The following RNF213 variants were observed in gnomAD, a reference collection of about 807,000 sequenced individuals.
RNF213 encodes the protein ring finger protein 213, also known as E3 ubiquitin-protein ligase RNF213.
RNF213 carries 341 observed loss-of-function variants against 514.4 expected under a neutral mutation model. The observed-to-expected ratio is 0.66, with a 90% CI of 0.61 to 0.73. RNF213 has a LOEUF of 0.73. Ranked by LOEUF, RNF213 falls within the 30% of genes least tolerant of loss-of-function variation. The pLI is 0.00. For missense variants in RNF213, 5,767 were observed against 6,615.6 expected (o/e 0.87, Z 4.45); for synonymous variants, 2,655 against 2,658.2 (o/e 1.00, Z 0.04).
chr17:80,363,809 C>A lies in RNF213; in HGVS notation c.11750+19C>A. 1 of 1,610,734 alleles carries A rather than the reference C, an allele frequency of 6.2e-7. No individual in the cohort carries two copies. The highest frequency in any genetic ancestry group is 8.5e-7 in the Non-Finnish European group (1 of 1,179,072). ...AAGTCAGGTGAGACCCAGGAGCCCT[C>A]ACCCACTGCTTCATCTGGCGCGCGC... is the stretch of plus-strand genomic sequence containing the variant. On this transcript the variant is annotated intron_variant, in intron 41 of 67. Coordinates refer to ENST00000582970, the MANE Select transcript of RNF213 (RefSeq NM_001256071.3).
In RNF213 at chr17:80,388,977, G is replaced by A. The variant is rs534829297; in HGVS notation, c.15001-196G>A. 5.2e-4 allele frequency: 331 copies of A among 633,158 alleles called. 1 individual carries two copies. Among genetic ancestry groups the A allele is most frequent in the African/African-American group, 5.0e-3 (276 of 55,110 alleles). 39.2% of individuals were successfully genotyped at this position (633,158 alleles called of 1,614,324 possible). A position where few individuals can be genotyped will look rare whatever the true frequency, so the allele number is the denominator to read the frequency against. ...CGATTTGTTCCTGCTCTCCGCATGC[G>A]GGTACTGATAGGTAGACCTGTGTGT... On this transcript the variant is annotated intron_variant, in intron 64 of 67. Coordinates refer to ENST00000582970, the MANE Select transcript of RNF213 (RefSeq NM_001256071.3).
Position 80,390,052 on chromosome 17 carries a change from T to C in RNF213, c.15326T>C (p.Leu5109Pro), listed in dbSNP as rs2080400288. The C allele has an allele frequency of 1.9e-6, 3 of 1,614,130 alleles. No homozygotes were observed. Among genetic ancestry groups the C allele is most frequent in the South Asian group, 1.1e-5 (1 of 91,092 alleles). The change falls in exon 67 of 68, where the codon CTG becomes CCG. Residue 5109 changes from leucine (L) to proline (P), a missense_variant. This residue lies in a region of RNF213 where 1,245 missense variants were observed against 1,339.0 expected (regional missense o/e 0.93). Coordinates refer to ENST00000582970, the MANE Select transcript of RNF213 (RefSeq NM_001256071.3). ...ATCAGTTCAAGGTACAAAGCGGATC[T>C]GAGCCCGGAAAATGCTAAGCTCCTC... ...GEISSRYKAD[L>P]SPENAKLLST...
At position 80,346,855 on chromosome 17, in the gene RNF213, G is replaced by A. The variant is rs1200927279; in HGVS notation, c.8520G>A (p.Val2840=). The A allele has an allele frequency of 1.9e-6, 3 of 1,614,036 alleles. No homozygotes were observed. The highest frequency in any genetic ancestry group is 2.7e-5 in the African/African-American group (2 of 74,912). Reference sequence around the variant, plus strand: ...AGGACCTGCAGCAGTACGTCTCTGTGGTGGTGTTAGATGAGGTGGGGCTGG... The same window carrying A: ...AGGACCTGCAGCAGTACGTCTCTGTAGTGGTGTTAGATGAGGTGGGGCTGG... ...QGKDLQQYVS[V]VVLDEVGLAE... Residue 2840 remains valine (V), a synonymous_variant, in exon 29 of 68, where the codon GTG becomes GTA. Transcript: ENST00000582970. This position sits in a 1 kb window ranked among gnomAD's most constrained non-coding sequence, Gnocchi z 8.1.
intron 17 of RNF213, among the ~76,000 whole-genome samples, chr17:80,323,507 T>G (rs1195292664): frequency 1.3e-5 from 2 of 152,032 alleles, no homozygotes; most frequent in Non-Finnish European, 2.9e-5. Flanking sequence ...CAAGGTTAAG[T>G]TGGATTTCTT....
chr17:80,291,583 G>C (rs763412422), intron 7 of RNF213, 45 bp from the exon 8 acceptor site: 3 of 1,585,864 alleles, frequency 1.9e-6, no homozygotes. Flanking sequence ...TAAAATTTCC[G>C]GGGTAGGAAT....
At chr17:80,278,237 G>A (rs2044139297) in intron 3 of RNF213, among the ~76,000 whole-genome samples, 1 of 150,156 alleles carries the variant, frequency 6.7e-6, no homozygotes, top group South Asian at 2.1e-4. Context: ...GTCTCCCGGC[G>A]ATGCCCGGTG....
intron 17 of RNF213, chr17:80,320,878 TTGGGAGGCTGAGG>T (rs2046118272): frequency 6.6e-6 from 1 of 152,286 alleles, no homozygotes. Flanking sequence ...TCCCAGCTAC[TTGGGAGGCTGAGG>T]TGGGAGGCTC....
intron 3 of RNF213, among the ~76,000 whole-genome samples, chr17:80,276,225 C>G (rs892991687): frequency 6.6e-6 from 1 of 151,886 alleles, no homozygotes; most frequent in African/African-American, 2.4e-5. Flanking sequence ...CTCAGCCTCC[C>G]AGCTAGCTGG....
intron 50 of RNF213, chr17:80,374,889 C>A (rs534439111): frequency 4.9e-6 from 2 of 408,112 alleles, no homozygotes; most frequent in Non-Finnish European, 9.3e-6. Flanking sequence ...TCCTTTGAGA[C>A]CCTGCTGGAA....
Position 80,279,456 on chromosome 17 carries a change from T to TTTTC in RNF213, c.261+6068_261+6071dup, listed in dbSNP as rs568444457. ...GAAATCCTGACTTTTTCTCTTTTTC[T>TTTTC]TTTCTTTCTTTCTTTCTTTTTTTTT... On this transcript the variant is annotated intron_variant, in intron 3 of 67. Coordinates refer to ENST00000582970, the MANE Select transcript of RNF213 (RefSeq NM_001256071.3). 1.1e-4 allele frequency among the ~76,000 whole-genome samples: 17 copies of TTTTC among 152,116 alleles called. No homozygotes were observed. The East Asian group carries it at 1.4e-3, about 12-fold the overall frequency.
intron 14 of RNF213, among the ~76,000 whole-genome samples, chr17:80,311,727 G>T (rs544351418): frequency 2.0e-5 from 3 of 152,216 alleles, no homozygotes; most frequent in African/African-American, 7.2e-5. Flanking sequence ...TTGCCCAGCT[G>T]CCTCGAGGCG....
Position 80,393,591 on chromosome 17 carries a change from G to A in RNF213, c.*93G>A, listed in dbSNP as rs969241839. 19 of 1,381,018 alleles carry A rather than the reference G, an allele frequency of 1.4e-5. No individual in the cohort carries two copies. The African/African-American group carries it at 2.1e-4, about 16-fold the overall frequency. 85.5% of individuals were successfully genotyped at this position (1,381,018 alleles called of 1,614,324 possible). On this transcript the variant is annotated 3_prime_UTR_variant, in exon 68 of 68. Transcript: ENST00000582970. ...GACTTGATCATGGACTGGTGCCTTT[G>A]CATTCAGAAGGAGAGCTGTCAGCGT...
At chr17:80,294,324 A>C (rs1268621723) in intron 8 of RNF213, among the ~76,000 whole-genome samples, 1 of 152,228 alleles carries the variant, frequency 6.6e-6, no homozygotes, top group Non-Finnish European at 1.5e-5. Context: ...TGACCAGGAC[A>C]GTGCTCACTT....
Position 80,298,430 on chromosome 17 carries a change from C to G in RNF213, c.2122C>G (p.His708Asp), listed in dbSNP as rs72849837. 0.014 allele frequency: 23,090 copies of G among 1,614,180 alleles called. 201 individuals carry two copies. Among genetic ancestry groups the G allele is most frequent in the Non-Finnish European group, 0.016 (19,074 of 1,180,038 alleles). Residue 708 changes from histidine (H) to aspartate (D), a missense_variant, in exon 11 of 68, where the codon CAC becomes GAC. Physicochemically the swap from His to Asp is moderately conservative, Grantham distance 81. Transcript: ENST00000582970. ...CTGCTGTATGGAGCTGGCCCCGCGGCACAAGGATGCCTGGAGACAGCCTGA... is the reference window on the plus strand; with the variant it reads ...CTGCTGTATGGAGCTGGCCCCGCGGGACAAGGATGCCTGGAGACAGCCTGA... ...LHCCMELAPR[H>D]KDAWRQPEDT...
intron 3 of RNF213, among the ~76,000 whole-genome samples, chr17:80,278,129 C>T (rs563673475): frequency 9.2e-5 from 14 of 152,288 alleles, no homozygotes; most frequent in African/African-American, 2.9e-4. Context: ...AGGAGACTGC[C>T]GGAGCCAGGG....
intron 31 of RNF213, among the ~76,000 whole-genome samples, chr17:80,350,765 G>A (rs1383845036): frequency 6.6e-6 from 1 of 152,224 alleles, no homozygotes; most frequent in Non-Finnish European, 1.5e-5. Context: ...CACCACTGCA[G>A]TCCAGCCTAG....
Position 80,398,641 on chromosome 17 carries a change from A to G in RNF213, c.*5143A>G, listed in dbSNP as rs1266778649. On this transcript the variant is annotated 3_prime_UTR_variant, in exon 68 of 68. Coordinates refer to ENST00000582970, the MANE Select transcript of RNF213 (RefSeq NM_001256071.3). Reference sequence around the variant, plus strand: ...CAACAGTGGTTGAGAGAACAGCAGCATAAGTGGCTGGCAGAGGCAAGGAAA... The same window carrying G: ...CAACAGTGGTTGAGAGAACAGCAGCGTAAGTGGCTGGCAGAGGCAAGGAAA... The G allele has an allele frequency of 7.4e-6, 1 of 134,924 alleles. No individual in the cohort carries two copies. Among genetic ancestry groups the G allele is most frequent in the African/African-American group, 2.8e-5 (1 of 36,350 alleles). 8.4% of individuals were successfully genotyped at this position (134,924 alleles called of 1,614,324 possible).
At chr17:80,368,330 C>T (rs1357820169) in intron 44 of RNF213, among the ~76,000 whole-genome samples, 187 bp downstream of exon 44, 1 of 152,042 alleles carries the variant, frequency 6.6e-6, no homozygotes, top group African/African-American at 2.4e-5. Context: ...ATTCTCTCCC[C>T]AAGACATACA....
chr17:80,385,327 A>AT (rs1013775770), intron 60 of RNF213, among the ~76,000 whole-genome samples, 156 bp downstream of exon 60: 1 of 152,184 alleles, frequency 6.6e-6, no homozygotes, highest in Non-Finnish European at 1.5e-5. Flanking sequence ...CTTGAACCCC[A>AT]AAAACATATT....
Sources: allele counts gnomAD v4.1 joint callset (sites outside exome capture counted in the v4.1 genomes callset), GRCh38; gene constraint gnomAD v4.1.1; regional missense constraint gnomAD v4.1.1; non-coding constraint Gnocchi (gnomAD v3.1); transcripts MANE v1.5; gene names NCBI Gene and HGNC (gene_info 2026-07-23, HGNC 2026-07-21).